The following HTN3 variants were observed in gnomAD, a reference collection of about 807,000 sequenced individuals.
HTN3 encodes the protein histatin-3.
A neutral mutation model predicts 10.6 loss-of-function variants in HTN3; 15 were observed. The ratio of observed to expected loss-of-function variants is 1.42; its 90% CI spans 0.95 to 2.18. The LOEUF (loss-of-function observed/expected upper bound fraction) is 2.18. HTN3 is among the 30% of genes most tolerant of loss of function. HTN3 has a pLI of 0.00. For synonymous variants in HTN3, 15 were observed against 16.9 expected (o/e 0.89, Z 0.27); for missense variants, 68 against 58.0 (o/e 1.17, Z -0.56).
At chr4:70,036,190 T>C (rs1343450147) in intron 5 of HTN3, 77 bp from the exon 6 acceptor site, 1 of 152,224 alleles carries the variant, frequency 6.6e-6, no homozygotes, top group African/African-American at 2.4e-5. Flanking sequence ...ATAAATACTT[T>C]GTACCAGGAA....
In HTN3 at chr4:70,033,198, C is replaced by A; in HGVS notation, c.134C>A (p.Ser45Ter). 6.2e-7 allele frequency: 1 copy of A among 1,602,866 alleles called. No individual in the cohort carries two copies. Among genetic ancestry groups the A allele is most frequent in the South Asian group, 1.1e-5 (1 of 89,476 alleles). The change falls in exon 5 of 6, where the codon TCA (serine) becomes TAA (stop). Residue 45 changes from serine (S) to a stop codon, truncating the protein, a stop_gained. Transcript: ENST00000673563. LOFTEE classifies it high-confidence loss of function. ...CATCATTCACATCGAGGCTATAGAT[C>A]AAATTATCTGTATGACAATTGATAT... ...EKHHSHRGYR[S>*]NYLYDN
chr4:70,030,954 C>A, intron 2 of HTN3, 163 bp downstream of exon 2: 1 of 578,188 alleles, frequency 1.7e-6, no homozygotes, highest in Non-Finnish European at 3.0e-6. Flanking sequence ...TCTTAAAGGA[C>A]TTAGAATAAA....
intron 5 of HTN3, chr4:70,033,616 A>C (rs1725439548): frequency 6.5e-6 from 1 of 154,688 alleles, no homozygotes; most frequent in African/African-American, 2.4e-5. Flanking sequence ...ATAATTATGA[A>C]ATTTAAGTAC....
At position 70,033,211 on chromosome 4, in the gene HTN3, T is replaced by G; in HGVS notation, c.147T>G (p.Tyr49Ter). 7 of 1,592,386 alleles carry G rather than the reference T, an allele frequency of 4.4e-6. No homozygotes were observed. The East Asian group carries it at 6.7e-5, about 15-fold the overall frequency. Residue 49 changes from tyrosine (Y) to a stop codon, truncating the protein, a stop_gained, in exon 5 of 6, where the codon TAT becomes TAG. Transcript: ENST00000673563. LOFTEE classifies it high-confidence loss of function. ...SHRGYRSNYL[Y>*]DN ...GAGGCTATAGATCAAATTATCTGTA[T>G]GACAATTGATATCTTCAGTAATCAC...
At chr4:70,031,210 A>G (rs546248673) in intron 2 of HTN3, 1 of 161,306 alleles carries the variant, frequency 6.2e-6, no homozygotes, top group Admixed American at 6.4e-5. Context: ...AAACTGTTCA[A>G]GTTAGCATAC....
At chr4:70,033,651 T>A (rs7698669) in intron 5 of HTN3, 3 of 153,066 alleles carry the variant, frequency 2.0e-5, no homozygotes, top group Non-Finnish European at 4.4e-5. Flanking sequence ...GTGAAAAATG[T>A]CAATGGTAGT....
At position 70,033,230 on chromosome 4, in the gene HTN3, T is replaced by C. The variant is rs767458520; in HGVS notation, c.*10T>C. ...TCTGTATGACAATTGATATCTTCAG[T>C]AATCACGGGGCATGATTATGGAGGT... On this transcript the variant is annotated 3_prime_UTR_variant, in exon 5 of 6. Transcript: ENST00000673563. The C allele has an allele frequency of 3.9e-6, 6 of 1,556,174 alleles. No homozygotes were observed. Among genetic ancestry groups the C allele is most frequent in the Admixed American group, 1.7e-5 (1 of 58,658 alleles).
intron 5 of HTN3, 99 bp downstream of exon 5, chr4:70,033,352 A>G: frequency 1.6e-6 from 1 of 613,630 alleles, no homozygotes. Context: ...CAATCATTCC[A>G]GTTTAAGAAA....
intron 5 of HTN3, among the ~76,000 whole-genome samples, chr4:70,034,613 C>T (rs1725465865): frequency 6.6e-6 from 1 of 152,110 alleles, no homozygotes. Flanking sequence ...TGAGAATGCA[C>T]ATTAGTTCAA....
intron 4 of HTN3, among the ~76,000 whole-genome samples, chr4:70,032,820 C>A (rs1237924716): frequency 2.0e-5 from 3 of 152,030 alleles, no homozygotes; most frequent in Non-Finnish European, 4.4e-5. Context: ...CGGTAACTTT[C>A]TCCTCCCCGT....
intron 1 of HTN3, among the ~76,000 whole-genome samples, chr4:70,029,802 G>T (rs1725334886): frequency 6.6e-6 from 1 of 151,996 alleles, no homozygotes; most frequent in African/African-American, 2.4e-5. Flanking sequence ...TTGAAATATT[G>T]AATAATCTTC....
chr4:70,031,979 G>T lies in HTN3; in HGVS notation c.52G>T (p.Gly18Ter). ...TTTTCTCATTTTCTTCTTTTCCAAG[G>T]GAGCTGATTCACATGCAAAGGTAAG... Reference protein sequence around the residue: ...LILALMLSMTGADSHAKRHHG... With the variant: ...LILALMLSMT The change falls in exon 3 of 6, where the codon GGA becomes TGA. Residue 18 changes from glycine (G) to a stop codon, truncating the protein, a stop_gained and splice_region_variant. Transcript: ENST00000673563. LOFTEE classifies it high-confidence loss of function. The T allele has an allele frequency of 6.5e-7, 1 of 1,541,890 alleles. No individual in the cohort carries two copies. Among genetic ancestry groups the T allele is most frequent in the Non-Finnish European group, 8.9e-7 (1 of 1,121,192 alleles).
intron 5 of HTN3, among the ~76,000 whole-genome samples, chr4:70,035,861 C>A (rs375791305): frequency 2.6e-5 from 4 of 152,110 alleles, no homozygotes; most frequent in East Asian, 3.9e-4. Context: ...TGAATTCCTG[C>A]TCTTCGTGAT....
chr4:70,034,991 G>C (rs1725479601), intron 5 of HTN3, among the ~76,000 whole-genome samples: 1 of 152,128 alleles, frequency 6.6e-6, no homozygotes, highest in Admixed American at 6.6e-5. Context: ...AGTGGGAGCT[G>C]AACAATGAGA....
chr4:70,031,755 C>T (rs188834756), intron 2 of HTN3, among the ~76,000 whole-genome samples: 11 of 152,062 alleles, frequency 7.2e-5, no homozygotes, highest in Middle Eastern at 3.4e-3. Context: ...GATATATAAA[C>T]CAAAATGAGT....
chr4:70,032,047 G>A (rs1725393899), intron 3 of HTN3, 31 bp from the exon 4 acceptor site: 1 of 1,538,488 alleles, frequency 6.5e-7, no homozygotes. Context: ...ATCATATATT[G>A]AATTTTTAAT....
chr4:70,033,194 A>T lies in HTN3; in HGVS notation c.130A>T (p.Arg44Ter). ...HEKHHSHRGY[R>*]SNYLYDN ...AAAGCATCATTCACATCGAGGCTAT[A>T]GATCAAATTATCTGTATGACAATTG... Residue 44 changes from arginine to a stop codon, truncating the protein, a stop_gained, in exon 5 of 6, where the codon AGA (arginine) becomes TGA (stop). Coordinates refer to ENST00000673563, the MANE Select transcript of HTN3 (RefSeq NM_000200.3). LOFTEE classifies it high-confidence loss of function. The T allele has an allele frequency of 3.7e-6, 6 of 1,604,372 alleles. No homozygotes were observed. Among genetic ancestry groups the T allele is most frequent in the Non-Finnish European group, 5.1e-6 (6 of 1,173,726 alleles).
At chr4:70,034,609 T>C (rs538281608) in intron 5 of HTN3, among the ~76,000 whole-genome samples, 97 of 152,310 alleles carry the variant, frequency 6.4e-4, no homozygotes, top group African/African-American at 2.2e-3. Flanking sequence ...GTGGTGAGAA[T>C]GCACATTAGT....
intron 4 of HTN3, among the ~76,000 whole-genome samples, chr4:70,032,604 C>T (rs1272868524): frequency 2.6e-5 from 4 of 151,880 alleles, no homozygotes; most frequent in Non-Finnish European, 5.9e-5. Context: ...ATTTTGACCT[C>T]TAATATCAGT....
Sources: gnomAD v4.1 joint callset for allele counts (sites outside exome capture counted in the v4.1 genomes callset) on GRCh38, gnomAD v4.1.1 for gene constraint, MANE v1.5 for transcripts, NCBI Gene and HGNC (gene_info 2026-07-23, HGNC 2026-07-21) for gene names.